UBAP2: variants seen among roughly 807,000 people sequenced by gnomAD.
UBAP2 encodes the protein ubiquitin-associated protein 2.
UBAP2 carries 75 observed loss-of-function variants against 139.6 expected under a neutral mutation model. The ratio of observed to expected loss-of-function variants is 0.54; its 90% CI spans 0.45 to 0.65. UBAP2 has a LOEUF of 0.65. Ranked by LOEUF, UBAP2 falls within the 30% of genes least tolerant of loss-of-function variation. The probability of loss-of-function intolerance (pLI) is 0.00; values close to 1 mark genes in which losing one functional copy is unlikely to be tolerated. For missense variants in UBAP2, 1,368 were observed against 1,369.6 expected (o/e 1.00, Z 0.02); for synonymous variants, 526 against 526.2 (o/e 1.00, Z 0.01).
chr9:34,012,988 T>C (rs1464394082), intron 2 of UBAP2, among the ~76,000 whole-genome samples: 2 of 151,150 alleles, frequency 1.3e-5, no homozygotes, highest in Admixed American at 1.3e-4. Flanking sequence ...AACCCCTCTC[T>C]ACTAAAACTA....
intron 15 of UBAP2, 52 bp from the exon 16 acceptor site, chr9:33,941,914 A>T: frequency 8.0e-7 from 1 of 1,255,228 alleles, no homozygotes. Flanking sequence ...AAATAGCTTC[A>T]TAAAAAAAAA....
At chr9:34,043,995 G>A (rs1237035281) in intron 1 of UBAP2, among the ~76,000 whole-genome samples, 2 of 150,628 alleles carry the variant, frequency 1.3e-5, no homozygotes, top group East Asian at 3.9e-4. Context: ...GAGCACGGTG[G>A]CAGGCTAATC....
At chr9:34,035,898 T>C (rs1265337879) in intron 1 of UBAP2, among the ~76,000 whole-genome samples, 1 of 16,508 alleles carries the variant, frequency 6.1e-5, no homozygotes, top group South Asian at 1.1e-3. Context: ...CATTCTCTCT[T>C]TTTTTTTTTG....
At chr9:33,942,201 A>ACT (rs1416328167) in intron 15 of UBAP2, among the ~76,000 whole-genome samples, 5 of 152,032 alleles carry the variant, frequency 3.3e-5, no homozygotes, top group African/African-American at 1.2e-4. Flanking sequence ...AATCCCAGCC[A>ACT]CTCTGGAGGC....
At chr9:33,979,648 C>T (rs1245421443) in intron 6 of UBAP2, among the ~76,000 whole-genome samples, 4 of 152,026 alleles carry the variant, frequency 2.6e-5, no homozygotes, top group East Asian at 1.9e-4. Context: ...TTTGGGAGGC[C>T]GAGGCGGGCA....
intron 22 of UBAP2, among the ~76,000 whole-genome samples, chr9:33,925,373 TCCAG>T (rs1823338264): frequency 2.6e-5 from 4 of 152,024 alleles, no homozygotes; most frequent in African/African-American, 7.3e-5. Context: ...ACGAGAATTC[TCCAG>T]GCAGGAACTA....
intron 1 of UBAP2, among the ~76,000 whole-genome samples, chr9:34,045,599 C>T (rs1827510502): frequency 6.6e-6 from 1 of 151,924 alleles, no homozygotes; most frequent in African/African-American, 2.4e-5. Flanking sequence ...GTCTCGAACT[C>T]CCGACCTCGT....
chr9:34,012,927 G>C (rs933529135), intron 2 of UBAP2, among the ~76,000 whole-genome samples: 2 of 151,524 alleles, frequency 1.3e-5, no homozygotes, highest in South Asian at 4.2e-4. Context: ...GAGGTGGGCA[G>C]ATCACCTGAG....
intron 17 of UBAP2, among the ~76,000 whole-genome samples, chr9:33,934,710 G>C (rs1006243359): frequency 2.0e-5 from 3 of 152,176 alleles, no homozygotes; most frequent in Non-Finnish European, 1.5e-5. Flanking sequence ...GAGGAAGTGA[G>C]GGAGAAGAGA....
intron 2 of UBAP2, among the ~76,000 whole-genome samples, chr9:34,008,596 T>C (rs555313266): frequency 1.7e-4 from 26 of 148,918 alleles, no homozygotes; most frequent in African/African-American, 6.0e-4. Context: ...AAAATCAAAA[T>C]GCAACAGAGA....
At chr9:34,037,856 G>A (rs946824827) in intron 1 of UBAP2, among the ~76,000 whole-genome samples, 4 of 151,926 alleles carry the variant, frequency 2.6e-5, no homozygotes, top group African/African-American at 9.7e-5. Context: ...GACTGGATGG[G>A]AAAGAGGCTA....
At chr9:34,019,579 C>T (rs1354891563) in intron 1 of UBAP2, among the ~76,000 whole-genome samples, 2 of 151,746 alleles carry the variant, frequency 1.3e-5, no homozygotes, top group African/African-American at 2.4e-5. Flanking sequence ...TACAAAGGTT[C>T]GGAAGATGGA....
In UBAP2 at chr9:34,032,441, T is replaced by C. The variant is rs536139894; in HGVS notation, c.-41-15252A>G. ...AAGATTAACTTCCCACTAGTTACTCTGTCCCAAGGCTTCACAGGAAAGGGG... is the reference window on the plus strand; with the variant it reads ...AAGATTAACTTCCCACTAGTTACTCCGTCCCAAGGCTTCACAGGAAAGGGG... On this transcript the variant is annotated intron_variant, in intron 1 of 28. Transcript: ENST00000379238. Among the ~76,000 whole-genome samples the C allele has an allele frequency of 1.1e-4, 17 of 152,298 alleles. No homozygotes were observed. The South Asian group carries it at 3.5e-3, about 32-fold the overall frequency.
At chr9:33,999,140 C>T (rs1204289203) in intron 2 of UBAP2, among the ~76,000 whole-genome samples, 1 of 152,000 alleles carries the variant, frequency 6.6e-6, no homozygotes, top group Admixed American at 6.6e-5. Flanking sequence ...TCTTCTTTCC[C>T]TTGGTAGAGT....
At chr9:33,941,057 C>T (rs1448546279) in intron 16 of UBAP2, among the ~76,000 whole-genome samples, 1 of 152,142 alleles carries the variant, frequency 6.6e-6, no homozygotes. Flanking sequence ...AATGTGTATA[C>T]TTGTTCTTTT....
At chr9:33,960,784 A>G in intron 10 of UBAP2, 42 bp downstream of exon 10, 1 of 1,568,328 alleles carries the variant, frequency 6.4e-7, no homozygotes. Flanking sequence ...CCATTTCAAA[A>G]AAAAAAAAAA....
intron 1 of UBAP2, among the ~76,000 whole-genome samples, chr9:34,020,614 C>G (rs1824856681): frequency 6.6e-6 from 1 of 150,796 alleles, no homozygotes; most frequent in Admixed American, 6.6e-5. Context: ...GCGTGTGCCA[C>G]TGAGCCGGCC....
chr9:34,026,547 G>T (rs763172027), intron 1 of UBAP2, among the ~76,000 whole-genome samples: 1 of 152,102 alleles, frequency 6.6e-6, no homozygotes, highest in Non-Finnish European at 1.5e-5. Context: ...TCTCAAACTG[G>T]CAAGGATGGG....
intron 6 of UBAP2, among the ~76,000 whole-genome samples, chr9:33,981,060 A>G (rs1217612662): frequency 1.0e-4 from 6 of 59,036 alleles, no homozygotes; most frequent in African/African-American, 4.0e-4. Context: ...GGGCTTATTT[A>G]CTTCATATAT....
Sources: gnomAD v4.1 joint callset for allele counts (sites outside exome capture counted in the v4.1 genomes callset) on GRCh38, gnomAD v4.1.1 for gene constraint, MANE v1.5 for transcripts, NCBI Gene and HGNC (gene_info 2026-07-23, HGNC 2026-07-21) for gene names.